PTBP3: variants seen among roughly 807,000 people sequenced by gnomAD.
The protein encoded by PTBP3 is polypyrimidine tract binding protein 3, also known as polypyrimidine tract-binding protein 3.
Under a neutral mutation model 58.7 loss-of-function variants are expected in PTBP3, and 20 were observed. That is an observed-to-expected ratio of 0.34 (90% confidence interval 0.24 to 0.50). The LOEUF (loss-of-function observed/expected upper bound fraction) is 0.50, where lower values mean the gene tolerates loss of function less well. Ranked by LOEUF, PTBP3 falls within the 20% of genes least tolerant of loss-of-function variation. PTBP3 has a pLI of 0.98. For synonymous variants in PTBP3, 185 were observed against 219.8 expected, an observed-to-expected ratio of 0.84 and a Z score of 1.40; for missense variants, 509 against 637.2, an observed-to-expected ratio of 0.80 and a Z score of 2.17.
At chr9:112,238,702 T>C (rs1002074479) in intron 7 of PTBP3, among the ~76,000 whole-genome samples, 1 of 114,916 alleles carries the variant, frequency 8.7e-6, no homozygotes, top group Non-Finnish European at 1.9e-5. Context: ...GCAGTTAGCT[T>C]GACAACTGAC....
In PTBP3 at chr9:112,290,530, T is replaced by G. The variant is rs1279625779; in HGVS notation, c.34+7302A>C. Among the ~76,000 whole-genome samples the G allele has an allele frequency of 4.6e-5, 7 of 151,198 alleles. No homozygotes were observed. In the South Asian group the frequency reaches 1.3e-3, roughly 27 times the overall value. ...CTAATAAAAATATAAAAATTAGCCA[T>G]GTGTAGTGGCACGTGCCTGTAATCC... On this transcript the variant is annotated intron_variant, in intron 2 of 13. Coordinates refer to ENST00000374257, the MANE Select transcript of PTBP3 (RefSeq NM_001163788.4).
At chr9:112,255,795 T>C (rs1836322812) in intron 5 of PTBP3, among the ~76,000 whole-genome samples, 3 of 152,328 alleles carry the variant, frequency 2.0e-5, no homozygotes, top group African/African-American at 7.2e-5. Context: ...GGCCCATATA[T>C]GAGGATTTTT....
In PTBP3 at chr9:112,221,379, T is replaced by G. The variant is rs1834800848; in HGVS notation, c.*2472A>C. 1.0e-6 allele frequency: 1 copy of G among 985,714 alleles called. No individual in the cohort carries two copies. Among genetic ancestry groups the G allele is most frequent in the South Asian group, 4.7e-5 (1 of 21,284 alleles). The allele number at this position is 985,714 out of a possible 1,614,324, so 61.1% of individuals were successfully genotyped here. A position where few individuals can be genotyped will look rare whatever the true frequency, so the allele number is the denominator to read the frequency against. On this transcript the variant is annotated 3_prime_UTR_variant, in exon 14 of 14. Transcript: ENST00000374257. ...GGCCATTCCCTACTTCAAAGTTACA[T>G]TCAACACCACTATGATCCCCTTCCG...
In PTBP3 at chr9:112,223,836, A is replaced by G; in HGVS notation, c.*15T>C. ...AAATTATGGTCCAGTTTTAGGAGAA[A>G]AATTCACAGAAAAGTCAGATTGTAG... On this transcript the variant is annotated 3_prime_UTR_variant, in exon 14 of 14. Transcript: ENST00000374257. 1 of 1,613,484 alleles carries G rather than the reference A, an allele frequency of 6.2e-7. No individual in the cohort carries two copies. Among genetic ancestry groups the G allele is most frequent in the Non-Finnish European group, 8.5e-7 (1 of 1,179,672 alleles).
intron 1 of PTBP3, among the ~76,000 whole-genome samples, chr9:112,315,223 A>G (rs1271954181): frequency 1.3e-5 from 2 of 152,182 alleles, no homozygotes; most frequent in Non-Finnish European, 2.9e-5. Context: ...CATGTTTAAC[A>G]TAAAACAAAC....
Position 112,223,048 on chromosome 9 carries a change from T to C in PTBP3, c.*803A>G. The C allele has an allele frequency of 8.2e-6, 7 of 853,380 alleles. No homozygotes were observed. Among genetic ancestry groups the C allele is most frequent in the Non-Finnish European group, 9.9e-6 (7 of 709,482 alleles). 52.9% of individuals were successfully genotyped at this position (853,380 alleles called of 1,614,324 possible). A position where few individuals can be genotyped will look rare whatever the true frequency, so the allele number is the denominator to read the frequency against. On this transcript the variant is annotated 3_prime_UTR_variant, in exon 14 of 14. Transcript: ENST00000374257. ...TTTTCTTTAAAATTTTCCAAGATCA[T>C]ATTACTTGACAAATAAGTGTCATTT...
At chr9:112,262,320 A>G (rs1319583366) in intron 5 of PTBP3, 115 bp downstream of exon 5, 4 of 890,436 alleles carry the variant, frequency 4.5e-6, no homozygotes, top group Non-Finnish European at 6.2e-6. Flanking sequence ...TTTTTTCATT[A>G]TTTAAACAAA....
rs1292038957 is a variant in PTBP3 at position 112,222,974 on chromosome 9, C to CT, written c.*876dup. 5 of 854,098 alleles carry CT rather than the reference C, an allele frequency of 5.9e-6. No homozygotes were observed. The East Asian group carries it at 4.9e-4, about 84-fold the overall frequency. 52.9% of individuals were successfully genotyped at this position (854,098 alleles called of 1,614,324 possible). ...TGAATATTTTCCTTAAGACTGTAAACTTTTTTTCTGAAAACAATTATAAAA... is the reference window on the plus strand; with the variant it reads ...TGAATATTTTCCTTAAGACTGTAAACTTTTTTTTCTGAAAACAATTATAAAA... On this transcript the variant is annotated 3_prime_UTR_variant, in exon 14 of 14. Transcript: ENST00000374257.
intron 2 of PTBP3, among the ~76,000 whole-genome samples, chr9:112,282,987 T>C (rs1827942974): frequency 6.6e-6 from 1 of 152,038 alleles, no homozygotes. Flanking sequence ...TGTTTGAGAG[T>C]TTCTCATTCA....
chr9:112,335,479 T>A (rs1587909132), upstream of PTBP3, among the ~76,000 whole-genome samples: 1 of 150,766 alleles, frequency 6.6e-6, no homozygotes, highest in South Asian at 2.2e-4. Context: ...AGAGACAGGG[T>A]TTCACCATGT....
intron 10 of PTBP3, 58 bp downstream of exon 10, chr9:112,231,322 G>A (rs1835190070): frequency 2.1e-6 from 3 of 1,420,186 alleles, no homozygotes; most frequent in Non-Finnish European, 9.6e-7. Flanking sequence ...TACTAAAAAA[G>A]TGAAATGTGC....
At chr9:112,295,259 AAAG>A (rs1326386850) in intron 2 of PTBP3, among the ~76,000 whole-genome samples, 2 of 151,750 alleles carry the variant, frequency 1.3e-5, no homozygotes, top group Non-Finnish European at 2.9e-5. Flanking sequence ...AAAAAAAAAA[AAAG>A]AAGTTAATCT....
Position 112,275,906 on chromosome 9 carries a change from T to A in PTBP3, c.142A>T (p.Ile48Leu), listed in dbSNP as rs1827589656. 1.9e-6 allele frequency: 3 copies of A among 1,614,044 alleles called. No homozygotes were observed. The highest frequency in any genetic ancestry group is 1.1e-5 in the South Asian group (1 of 91,080). ...IPCDVTEAEI[I>L]SLGLPFGKVT... is the part of the protein sequence containing the mutation. ...TTGCCAAATGGTAGACCTAATGATA[T>A]GATCTCTGCTTCGGTGACATCACAT... Residue 48 changes from isoleucine (I) to leucine (L), a missense_variant, in exon 3 of 14, where the codon ATA (isoleucine) becomes TTA (leucine). Ile to Leu is a conservative substitution (Grantham distance 5, BLOSUM62 2). Transcript: ENST00000374257.
rs1252250902 is a variant in PTBP3 at position 112,295,114 on chromosome 9, C to T, written c.34+2718G>A. ...AATTAGCCCGGCACGGTGGCAGGCG[C>T]CTATAATCCCAGGTACTCAGAGGCC... On this transcript the variant is annotated intron_variant, in intron 2 of 13. Coordinates refer to ENST00000374257, the MANE Select transcript of PTBP3 (RefSeq NM_001163788.4). Among the ~76,000 whole-genome samples the T allele has an allele frequency of 2.0e-5, 3 of 151,930 alleles. No individual in the cohort carries two copies. The East Asian group carries it at 5.8e-4, about 29-fold the overall frequency.
chr9:112,250,842 A>G, intron 7 of PTBP3, 87 bp downstream of exon 7: 1 of 1,246,384 alleles, frequency 8.0e-7, no homozygotes, highest in Middle Eastern at 2.4e-4. Context: ...ACTCGAGAAG[A>G]AAAAGGCTTA....
intron 2 of PTBP3, among the ~76,000 whole-genome samples, chr9:112,283,050 T>C (rs1159212258): frequency 6.6e-6 from 1 of 152,236 alleles, no homozygotes; most frequent in Non-Finnish European, 1.5e-5. Flanking sequence ...CCTTCTGCCA[T>C]GATTGTAAAT....
chr9:112,365,607 A>G, the PTBP3 span, among the ~76,000 whole-genome samples: 6 of 152,196 alleles, frequency 3.9e-5, no homozygotes, highest in African/African-American at 1.4e-4. Context: ...AAATGGACTA[A>G]TACAGTAAAT....
chr9:112,297,403 C>T (rs1352745864), intron 2 of PTBP3, among the ~76,000 whole-genome samples: 1 of 152,138 alleles, frequency 6.6e-6, no homozygotes, highest in Admixed American at 6.5e-5. Flanking sequence ...CGGGGTTTCG[C>T]CATGTTGGCC....
At chr9:112,364,169 G>T in the PTBP3 span, among the ~76,000 whole-genome samples, 1 of 130,982 alleles carries the variant, frequency 7.6e-6, no homozygotes, top group Non-Finnish European at 1.5e-5. Flanking sequence ...TGGCTTGCTA[G>T]GTCAGTTCTT....
Sources: gnomAD v4.1 joint callset for allele counts (sites outside exome capture counted in the v4.1 genomes callset) on GRCh38, gnomAD v4.1.1 for gene constraint, MANE v1.5 for transcripts, NCBI Gene and HGNC (gene_info 2026-07-23, HGNC 2026-07-21) for gene names.